KSR2: variants seen among roughly 807,000 people sequenced by gnomAD.
KSR2 encodes the protein kinase suppressor of ras 2.
Under a neutral mutation model 107.8 loss-of-function variants are expected in KSR2, and 25 were observed. The ratio of observed to expected loss-of-function variants is 0.23; its 90% confidence interval spans 0.17 to 0.32. The LOEUF (loss-of-function observed/expected upper bound fraction) is 0.32, where lower values mean the gene tolerates loss of function less well. Among genes scored for constraint, KSR2 ranks in the 10% least tolerant of loss-of-function variants. The pLI is 1.00. For missense variants in KSR2, 887 were observed against 1,268.9 expected (o/e 0.70, Z 4.57); for synonymous variants, 480 against 507.0 (o/e 0.95, Z 0.71).
At position 117,940,662 on chromosome 12, in the gene KSR2, T is replaced by G. The variant is rs1895980119; in HGVS notation, c.180+27414A>C. Among the ~76,000 whole-genome samples the G allele has an allele frequency of 2.0e-5, 3 of 152,162 alleles. 1 individual carries two copies. In the South Asian group the frequency reaches 6.2e-4, roughly 32 times the overall value. On this transcript the variant is annotated intron_variant, in intron 1 of 19. Coordinates refer to ENST00000339824, the MANE Select transcript of KSR2 (RefSeq NM_173598.6). Reference sequence around the variant, plus strand: ...AGTCAAGACTGAAATTAAAATAAATTTTTGTTTGTTGGTTTTTAAGGAATA... The same window carrying G: ...AGTCAAGACTGAAATTAAAATAAATGTTTGTTTGTTGGTTTTTAAGGAATA...
intron 5 of KSR2, among the ~76,000 whole-genome samples, chr12:117,627,104 G>A (rs576561029): frequency 6.6e-6 from 1 of 151,818 alleles, no homozygotes; most frequent in African/African-American, 2.4e-5. Flanking sequence ...CTTTACACGT[G>A]ATATGGGTCT....
intron 3 of KSR2, among the ~76,000 whole-genome samples, chr12:117,794,711 A>G (rs1890556443): frequency 6.6e-6 from 1 of 152,140 alleles, no homozygotes; most frequent in African/African-American, 2.4e-5. Flanking sequence ...CAACATGCAC[A>G]CATACACACC....
At chr12:117,845,456 C>T (rs534835951) in intron 3 of KSR2, among the ~76,000 whole-genome samples, 83 of 152,240 alleles carry the variant, frequency 5.5e-4, no homozygotes, top group Non-Finnish European at 1.0e-3. Flanking sequence ...ATGTCATCTC[C>T]CCAGAGAGGC....
intron 3 of KSR2, among the ~76,000 whole-genome samples, chr12:117,766,527 A>G (rs1889233394): frequency 6.6e-6 from 1 of 152,198 alleles, no homozygotes; most frequent in Non-Finnish European, 1.5e-5. Flanking sequence ...TTTACTTCGA[A>G]ATGATTAATT....
intron 4 of KSR2, among the ~76,000 whole-genome samples, chr12:117,740,680 T>C (rs1223232591): frequency 2.1e-5 from 3 of 142,246 alleles, no homozygotes; most frequent in African/African-American, 7.7e-5. Context: ...ATAATATATA[T>C]ACACACACAT....
intron 1 of KSR2, among the ~76,000 whole-genome samples, chr12:117,925,273 G>A (rs1034727873): frequency 2.0e-5 from 3 of 151,796 alleles, no homozygotes; most frequent in Admixed American, 2.0e-4. Context: ...ATAGGCTCAC[G>A]CCACCATGCC....
chr12:117,766,860 T>C (rs983047584), intron 3 of KSR2, among the ~76,000 whole-genome samples: 1 of 130,348 alleles, frequency 7.7e-6, no homozygotes, highest in East Asian at 2.4e-4. Flanking sequence ...TCGTTCAGTA[T>C]GGCTAGAGCT....
chr12:117,789,842 C>T (rs544634392), intron 3 of KSR2, among the ~76,000 whole-genome samples: 241 of 152,292 alleles, frequency 1.6e-3, no homozygotes, highest in Non-Finnish European at 2.5e-3. Flanking sequence ...CTGCTGAGTA[C>T]ACAGCAAAAT....
chr12:117,580,264 A>C (rs539363065), intron 6 of KSR2, among the ~76,000 whole-genome samples: 45 of 152,316 alleles, frequency 3.0e-4, no homozygotes, highest in Non-Finnish European at 5.4e-4. Flanking sequence ...AAAGACACTT[A>C]CTGCCAAGAA....
intron 4 of KSR2, among the ~76,000 whole-genome samples, chr12:117,728,669 C>T (rs1168435394): frequency 6.6e-6 from 1 of 152,190 alleles, no homozygotes; most frequent in South Asian, 2.1e-4. Flanking sequence ...GGATAACGGC[C>T]GTGCCGCCCT....
At chr12:117,528,537 G>T (rs1875384479) in intron 12 of KSR2, among the ~76,000 whole-genome samples, 1 of 152,150 alleles carries the variant, frequency 6.6e-6, no homozygotes. Flanking sequence ...CTTGCTGGAG[G>T]GGGTCCTGGT....
intron 4 of KSR2, among the ~76,000 whole-genome samples, chr12:117,693,768 G>A (rs1216563199): frequency 2.0e-5 from 3 of 152,094 alleles, no homozygotes; most frequent in Admixed American, 6.6e-5. Flanking sequence ...CCCAGGAAGC[G>A]GGTCCTACCG....
At chr12:117,543,549 T>A (rs181657272) in intron 9 of KSR2, among the ~76,000 whole-genome samples, 149 of 152,354 alleles carry the variant, frequency 9.8e-4, no homozygotes, top group Admixed American at 3.8e-3. Context: ...CACATAACTT[T>A]TAGAATAATC....
chr12:117,675,955 C>A (rs1464295173), intron 4 of KSR2, among the ~76,000 whole-genome samples: 1 of 152,218 alleles, frequency 6.6e-6, no homozygotes, highest in Non-Finnish European at 1.5e-5. Context: ...TGGTCTTACA[C>A]AGGGCTATGA....
intron 3 of KSR2, among the ~76,000 whole-genome samples, chr12:117,820,004 T>G (rs1319779038): frequency 3.3e-5 from 5 of 151,920 alleles, no homozygotes. Flanking sequence ...TTTTAAATAT[T>G]GAAAAGACTC....
chr12:117,967,694 C>T (rs149572484), intron 1 of KSR2, among the ~76,000 whole-genome samples: 1 of 152,150 alleles, frequency 6.6e-6, no homozygotes, highest in African/African-American at 2.4e-5. Flanking sequence ...TAATGTATTA[C>T]CCGGCACACA....
At chr12:117,574,193 G>GTT (rs60267170) in intron 7 of KSR2, among the ~76,000 whole-genome samples, 12 of 140,312 alleles carry the variant, frequency 8.6e-5, no homozygotes, top group African/African-American at 2.5e-4. Flanking sequence ...CCAGAAAACT[G>GTT]TTTTTTTTTT....
At chr12:117,896,250 T>G (rs1894505933) in intron 1 of KSR2, among the ~76,000 whole-genome samples, 1 of 152,140 alleles carries the variant, frequency 6.6e-6, no homozygotes, top group Admixed American at 6.5e-5. Flanking sequence ...AAAAACACTA[T>G]GCTGAGTGAA....
intron 1 of KSR2, among the ~76,000 whole-genome samples, chr12:117,869,688 A>G (rs7133116): frequency 0.18 from 27,061 of 152,172 alleles, 2,708 homozygotes; most frequent in African/African-American, 0.24. Context: ...TAGTTCGTAC[A>G]GATCTGCCTC....
Sources: allele counts gnomAD v4.1 joint callset (sites outside exome capture counted in the v4.1 genomes callset), GRCh38; gene constraint gnomAD v4.1.1; transcripts MANE v1.5; gene names NCBI Gene and HGNC (gene_info 2026-07-23, HGNC 2026-07-21).